Variants in LRP1B observed in about 807,000 individuals in gnomAD.
The protein encoded by LRP1B is low-density lipoprotein receptor-related protein 1B.
A neutral mutation model predicts 556.6 loss-of-function variants in LRP1B; 217 were observed. The ratio of observed to expected loss-of-function variants is 0.39; its 90% CI spans 0.35 to 0.44. The LOEUF (loss-of-function observed/expected upper bound fraction) is 0.44. LRP1B is among the 20% of genes least tolerant of loss of function. The pLI is 1.00. For synonymous variants in LRP1B, 2,047 were observed against 1,865.8 expected, an observed-to-expected ratio of 1.10 and a Z score of -2.50; for missense variants, 5,053 against 5,620.8, an observed-to-expected ratio of 0.90 and a Z score of 3.23.
intron 30 of LRP1B, among the ~76,000 whole-genome samples, chr2:140,840,576 A>C (rs73964709): frequency 6.6e-6 from 1 of 152,322 alleles, no homozygotes; most frequent in African/African-American, 2.4e-5. Flanking sequence ...AGCAGTGACC[A>C]TGATACCAAC....
intron 1 of LRP1B, among the ~76,000 whole-genome samples, chr2:141,912,387 T>C (rs1341132634): frequency 6.6e-6 from 1 of 152,162 alleles, no homozygotes; most frequent in East Asian, 1.9e-4. Context: ...TTAGGAAATT[T>C]AGAGTTTAGA....
intron 2 of LRP1B, among the ~76,000 whole-genome samples, chr2:141,713,958 G>A (rs1692471648): frequency 6.6e-6 from 1 of 152,094 alleles, no homozygotes; most frequent in Non-Finnish European, 1.5e-5. Flanking sequence ...TTCAGTAATA[G>A]TGATTTCCTA....
chr2:140,392,440 C>T (rs2105212267), intron 66 of LRP1B, among the ~76,000 whole-genome samples: 1 of 152,112 alleles, frequency 6.6e-6, no homozygotes, highest in Admixed American at 6.6e-5. Context: ...AATGCAGATT[C>T]AATGACCTAG....
chr2:140,548,235 G>C (rs940367575), intron 43 of LRP1B, among the ~76,000 whole-genome samples: 2 of 152,134 alleles, frequency 1.3e-5, no homozygotes, highest in African/African-American at 4.8e-5. Context: ...CCTCATTAAT[G>C]TAGGATCTGG....
At chr2:142,010,063 C>T (rs1388512271) in intron 1 of LRP1B, among the ~76,000 whole-genome samples, 1 of 152,042 alleles carries the variant, frequency 6.6e-6, no homozygotes, top group Non-Finnish European at 1.5e-5. Flanking sequence ...TCTTTCATAA[C>T]TAGTTCTCAA....
rs1438377214 is a variant in LRP1B at position 141,392,299 on chromosome 2, G to A, written c.343+88097C>T. Among the ~76,000 whole-genome samples the A allele has an allele frequency of 4.6e-5, 7 of 151,934 alleles. No individual in the cohort carries two copies. In the East Asian group the frequency reaches 9.6e-4, roughly 21 times the overall value. On this transcript the variant is annotated intron_variant, in intron 3 of 90. Transcript: ENST00000389484. ...CCTTAAGGAGTGGGGCTGCATTTTA[G>A]TATATAAAAGTCCTGAAGAGTAAAG...
At chr2:141,480,858 G>T (rs957274695) in intron 2 of LRP1B, among the ~76,000 whole-genome samples, 3 of 152,074 alleles carry the variant, frequency 2.0e-5, no homozygotes, top group Non-Finnish European at 4.4e-5. Flanking sequence ...GATAAGTTGG[G>T]CAGGGTACTT....
At chr2:140,830,324 C>T (rs540371005) in intron 31 of LRP1B, among the ~76,000 whole-genome samples, 29 of 152,060 alleles carry the variant, frequency 1.9e-4, no homozygotes, top group Non-Finnish European at 2.9e-4. Context: ...AACTATATCC[C>T]TAATAAACAT....
chr2:140,733,286 A>G (rs1460872434), intron 35 of LRP1B, among the ~76,000 whole-genome samples: 1 of 152,114 alleles, frequency 6.6e-6, no homozygotes, highest in Non-Finnish European at 1.5e-5. Context: ...AAATCCTATA[A>G]TATATGTCCT....
At chr2:140,625,638 A>G (rs145946323) in intron 41 of LRP1B, among the ~76,000 whole-genome samples, 2 of 152,344 alleles carry the variant, frequency 1.3e-5, no homozygotes, top group African/African-American at 2.4e-5. Context: ...AAGATGTTCA[A>G]CATCACATGT....
chr2:141,267,854 T>C (rs1182062248), intron 3 of LRP1B, among the ~76,000 whole-genome samples: 4 of 151,920 alleles, frequency 2.6e-5, no homozygotes, highest in Admixed American at 2.6e-4. Flanking sequence ...AGGATGGAGG[T>C]AGTAGTAGCA....
intron 2 of LRP1B, among the ~76,000 whole-genome samples, chr2:141,508,805 A>G (rs1416420757): frequency 6.6e-6 from 1 of 152,204 alleles, no homozygotes; most frequent in Admixed American, 6.6e-5. Flanking sequence ...GGCGGAATGC[A>G]TCTTCCTAAC....
intron 7 of LRP1B, among the ~76,000 whole-genome samples, chr2:141,108,112 T>TA (rs1700653225): frequency 6.6e-6 from 1 of 152,086 alleles, no homozygotes; most frequent in Non-Finnish European, 1.5e-5. Context: ...AAGTCAACAC[T>TA]AAAGGAGGAA....
intron 2 of LRP1B, among the ~76,000 whole-genome samples, chr2:141,532,298 A>T (rs569753904): frequency 6.6e-6 from 1 of 151,866 alleles, no homozygotes; most frequent in Admixed American, 6.6e-5. Flanking sequence ...TTTCCTGCCT[A>T]TCTAGTATTA....
intron 2 of LRP1B, among the ~76,000 whole-genome samples, chr2:141,591,346 T>TGTTG (rs1687326343): frequency 7.4e-6 from 1 of 134,906 alleles, no homozygotes; most frequent in African/African-American, 2.7e-5. Flanking sequence ...CTGGTTTTTT[T>TGTTG]TTGTTGTTGT....
intron 7 of LRP1B, among the ~76,000 whole-genome samples, chr2:141,140,715 G>A (rs749974618): frequency 6.6e-6 from 1 of 152,142 alleles, no homozygotes; most frequent in African/African-American, 2.4e-5. Flanking sequence ...TCAGAACTGT[G>A]AGAAAATTAA....
chr2:141,454,366 A>G (rs1681549585), intron 3 of LRP1B, among the ~76,000 whole-genome samples: 1 of 152,172 alleles, frequency 6.6e-6, no homozygotes, highest in African/African-American at 2.4e-5. Context: ...AAGTATACTT[A>G]TCAGGTAACA....
At chr2:141,098,851 T>G (rs894888372) in intron 7 of LRP1B, among the ~76,000 whole-genome samples, 1 of 152,164 alleles carries the variant, frequency 6.6e-6, no homozygotes, top group Non-Finnish European at 1.5e-5. Flanking sequence ...GATATGGAGT[T>G]TCTCCATGTT....
chr2:141,492,208 G>A (rs10928107), intron 2 of LRP1B, among the ~76,000 whole-genome samples: 139,091 of 151,946 alleles, frequency 0.92, 64,074 homozygotes, highest in East Asian at 1. Flanking sequence ...GGATACTTTT[G>A]AATCCACAGA....
Sources: allele counts gnomAD v4.1 joint callset (sites outside exome capture counted in the v4.1 genomes callset), GRCh38; gene constraint gnomAD v4.1.1; transcripts MANE v1.5; gene names NCBI Gene and HGNC (gene_info 2026-07-23, HGNC 2026-07-21).